ARL13A: variants seen among roughly 807,000 people sequenced by gnomAD.
The protein encoded by ARL13A is ARF like GTPase 13A.
A neutral mutation model predicts 19.1 loss-of-function variants in ARL13A; 16 were observed. The ratio of observed to expected loss-of-function variants is 0.84; its 90% CI spans 0.57 to 1.27. The LOEUF (loss-of-function observed/expected upper bound fraction) is 1.27. Ranked by LOEUF, ARL13A falls within the 50% of genes most tolerant of loss-of-function variation. The pLI, the probability that ARL13A is intolerant of heterozygous loss-of-function variation, is 0.00. For missense variants in ARL13A, 153 were observed against 186.4 expected, an observed-to-expected ratio of 0.82 and a Z score of 1.04; for synonymous variants, 69 against 71.3, an observed-to-expected ratio of 0.97 and a Z score of 0.17.
At chrX:100,973,816 C>A in intron 2 of ARL13A, 68 bp downstream of exon 2, 2 of 1,026,807 alleles carry the variant, frequency 1.9e-6, no homozygotes, top group Non-Finnish European at 2.7e-6. Context: ...CATAGTCCCT[C>A]AAGGGACAAA....
chrX:100,977,570 G>A (rs1398331275), intron 3 of ARL13A, among the ~76,000 whole-genome samples: 1 of 109,490 alleles, frequency 9.1e-6, no homozygotes, highest in Non-Finnish European at 1.9e-5. Flanking sequence ...TATTAGAGAC[G>A]AGGTCTCACC....
chrX:100,980,868 G>C (rs1482178048), intron 3 of ARL13A, among the ~76,000 whole-genome samples: 1 of 111,776 alleles, frequency 8.9e-6, no homozygotes, highest in African/African-American at 3.3e-5. Context: ...TCTGGCCCAG[G>C]ATGGGTCTAG....
chrX:100,988,880 A>ATATATATC (rs1491071744), intron 7 of ARL13A, among the ~76,000 whole-genome samples: 1 of 91,825 alleles, frequency 1.1e-5, no homozygotes, highest in African/African-American at 4.0e-5. Context: ...ATATATATAT[A>ATATATATC]TCAAGAATTT....
chrX:100,990,661 C>A lies in ARL13A; in HGVS notation c.*73C>A. ...TTGGTAAAAAAGAACAGAGACTTTA[C>A]ATCTTTGTACCGAGATGCTGCTGAC... On this transcript the variant is annotated 3_prime_UTR_variant, in exon 8 of 8. Coordinates refer to ENST00000450049, the MANE Select transcript of ARL13A (RefSeq NM_001162491.2). 9.9e-7 allele frequency: 1 copy of A among 1,006,534 alleles called. No homozygotes were observed. The highest frequency in any genetic ancestry group is 1.4e-6 in the Non-Finnish European group (1 of 730,087). 82.9% of individuals were successfully genotyped at this position (1,006,534 alleles called of 1,213,427 possible). A position where few individuals can be genotyped will look rare whatever the true frequency, so the allele number is the denominator to read the frequency against.
At chrX:100,987,669 C>A in intron 6 of ARL13A, 113 bp downstream of exon 6, 1 of 847,865 alleles carries the variant, frequency 1.2e-6, no homozygotes, top group Non-Finnish European at 1.6e-6. Context: ...TTGAGCAAGT[C>A]TCTTGATATC....
At chrX:100,984,322 A>G (rs1414377855) in intron 3 of ARL13A, among the ~76,000 whole-genome samples, 1 of 107,762 alleles carries the variant, frequency 9.3e-6, no homozygotes, top group Admixed American at 9.9e-5. Flanking sequence ...TATTTTTAGT[A>G]AAGATGGGGT....
At chrX:100,986,031 A>C in intron 4 of ARL13A, 115 bp downstream of exon 4, 1 of 905,786 alleles carries the variant, frequency 1.1e-6, no homozygotes, top group Non-Finnish European at 1.5e-6. Context: ...CTGTTCCCTT[A>C]GGCTCAGTGA....
At chrX:100,982,374 C>A (rs1279727401) in intron 3 of ARL13A, among the ~76,000 whole-genome samples, 1 of 110,738 alleles carries the variant, frequency 9.0e-6, no homozygotes, top group Non-Finnish European at 1.9e-5. Flanking sequence ...GGCCTGTAAT[C>A]TCAGCTACGC....
Position 100,990,696 on chromosome X carries a change from G to A in ARL13A, c.*108G>A, listed in dbSNP as rs2086005667. On this transcript the variant is annotated 3_prime_UTR_variant, in exon 8 of 8. Coordinates refer to ENST00000450049, the MANE Select transcript of ARL13A (RefSeq NM_001162491.2). ...CCGAGATGCTGCTGACAAAGCTTGT[G>A]GACAATAAGTCATGGGTGATCAACC... The A allele has an allele frequency of 7.2e-6, 6 of 838,561 alleles. No individual in the cohort carries two copies. The Admixed American group carries it at 1.1e-4, about 16-fold the overall frequency. The allele number at this position is 838,561 out of a possible 1,213,427, so 69.1% of individuals were successfully genotyped here.
At chrX:100,972,352 C>CG (rs2085667861) in intron 1 of ARL13A, among the ~76,000 whole-genome samples, 1 of 92,874 alleles carries the variant, frequency 1.1e-5, no homozygotes, top group Non-Finnish European at 2.2e-5. Flanking sequence ...GCTGGCCGGG[C>CG]GGGGGGCTGA....
At chrX:100,978,359 T>C (rs1159514851) in intron 3 of ARL13A, among the ~76,000 whole-genome samples, 1 of 111,803 alleles carries the variant, frequency 8.9e-6, no homozygotes, top group Non-Finnish European at 1.9e-5. Context: ...TTAGCTCTAA[T>C]AATATTTGCT....
intron 3 of ARL13A, among the ~76,000 whole-genome samples, chrX:100,983,555 C>T (rs1026910362): frequency 7.2e-5 from 8 of 110,577 alleles, no homozygotes; most frequent in African/African-American, 2.6e-4. Context: ...CAGGGTTTCA[C>T]CATGTTGGCC....
At chrX:100,988,851 C>CATATAT (rs55947893) in intron 7 of ARL13A, among the ~76,000 whole-genome samples, 2,803 of 79,541 alleles carry the variant, frequency 0.035, 53 homozygotes, top group Non-Finnish European at 0.044. Flanking sequence ...TAATATATCT[C>CATATAT]ATATATATAT....
intron 3 of ARL13A, among the ~76,000 whole-genome samples, chrX:100,980,295 G>A (rs1412225117): frequency 1.8e-5 from 2 of 109,889 alleles, no homozygotes; most frequent in African/African-American, 3.3e-5. Flanking sequence ...CTGGGGCTGA[G>A]CAAGTACCCA....
intron 3 of ARL13A, 98 bp from the exon 4 acceptor site, chrX:100,985,569 T>A: frequency 2.0e-6 from 2 of 1,004,302 alleles, no homozygotes; most frequent in Non-Finnish European, 1.4e-6. Context: ...CCCAGCAGGA[T>A]AGACAACTGC....
chrX:100,989,683 T>C (rs923445920), intron 7 of ARL13A, among the ~76,000 whole-genome samples: 3 of 111,994 alleles, frequency 2.7e-5, no homozygotes, highest in African/African-American at 9.7e-5. Flanking sequence ...AAATAAGCTA[T>C]GAGGGCTTAA....
intron 3 of ARL13A, among the ~76,000 whole-genome samples, chrX:100,979,929 C>T (rs1390505207): frequency 1.8e-5 from 2 of 111,362 alleles, no homozygotes; most frequent in Admixed American, 9.5e-5. Context: ...GTTCTTTTCC[C>T]TTACTTTCTC....
intron 4 of ARL13A, among the ~76,000 whole-genome samples, chrX:100,986,557 T>C (rs1282892065): frequency 8.9e-6 from 1 of 112,227 alleles, no homozygotes; most frequent in Admixed American, 9.5e-5. Context: ...AAGTGAGAAA[T>C]GAGCCCTGGG....
At chrX:100,988,350 TCCC>T in intron 7 of ARL13A, 67 bp downstream of exon 7, 1 of 1,205,073 alleles carries the variant, frequency 8.3e-7, no homozygotes, top group Non-Finnish European at 1.1e-6. Context: ...CAACTAACTT[TCCC>T]CCCCATCATC....
Sources: allele counts gnomAD v4.1 joint callset (sites outside exome capture counted in the v4.1 genomes callset), GRCh38; gene constraint gnomAD v4.1.1; transcripts MANE v1.5; gene names NCBI Gene and HGNC (gene_info 2026-07-23, HGNC 2026-07-21).